PKIB: variants seen among roughly 807,000 people sequenced by gnomAD.
PKIB encodes the protein cAMP-dependent protein kinase inhibitor beta.
Under a neutral mutation model 4.5 loss-of-function variants are expected in PKIB, and 2 were observed. That is an observed-to-expected ratio of 0.44 (90% CI 0.18 to 1.39). The LOEUF (loss-of-function observed/expected upper bound fraction) is 1.39. Ranked by LOEUF, PKIB falls within the 40% of genes most tolerant of loss-of-function variation. The probability of loss-of-function intolerance (pLI) is 0.27; values close to 1 mark genes in which losing one functional copy is unlikely to be tolerated. For synonymous variants in PKIB, 38 were observed against 36.0 expected, an observed-to-expected ratio of 1.06 and a Z score of -0.20; for missense variants, 94 against 92.6, an observed-to-expected ratio of 1.02 and a Z score of -0.06.
Position 122,500,255 on chromosome 6 carries a change from C to T in PKIB, c.-248+22316C>T, listed in dbSNP as rs920656264. Among the ~76,000 whole-genome samples, 7 of 152,156 alleles carry T rather than the reference C, an allele frequency of 4.6e-5. No individual in the cohort carries two copies. The East Asian group carries it at 5.8e-4, about 13-fold the overall frequency. On this transcript the variant is annotated intron_variant, in intron 2 of 6. Transcript: ENST00000392491. ...AAAATAGTGGGAAAAAAGTACTCAA[C>T]AGGGTTTGAATTTCTAAGTGGTAGA... is the stretch of plus-strand genomic sequence containing the variant.
At chr6:122,629,055 CATCAACCACCAATA>C (rs937655889) in intron 1 of PKIB, among the ~76,000 whole-genome samples, 2 of 152,150 alleles carry the variant, frequency 1.3e-5, no homozygotes, top group Non-Finnish European at 2.9e-5. Context: ...AGTTGAGGGC[CATCAACCACCAATA>C]ATCAGCTGGG....
At chr6:122,557,365 C>A (rs1338365065) in intron 2 of PKIB, among the ~76,000 whole-genome samples, 2 of 152,106 alleles carry the variant, frequency 1.3e-5, no homozygotes, top group Non-Finnish European at 2.9e-5. Context: ...TATAATCAAC[C>A]AAGGAAGAAC....
chr6:122,657,679 A>G (rs1776826921), intron 2 of PKIB, among the ~76,000 whole-genome samples: 6 of 152,164 alleles, frequency 3.9e-5, no homozygotes, highest in Admixed American at 3.9e-4. Context: ...TCTTACATTG[A>G]TATTTCCAGA....
intron 2 of PKIB, among the ~76,000 whole-genome samples, chr6:122,553,481 C>CTTTTTTTTTTTTTTTTTT (rs533553939): frequency 0.02 from 1,327 of 65,690 alleles, 309 homozygotes; most frequent in Admixed American, 0.043. Context: ...CAAATATCTT[C>CTTTTTTTTTTTTTTTTTT]TTTTTTTTTT....
At chr6:122,670,498 TTTGTTGTTG>T (rs61201088) in intron 2 of PKIB, among the ~76,000 whole-genome samples, 1 of 151,110 alleles carries the variant, frequency 6.6e-6, no homozygotes, top group African/African-American at 2.4e-5. Flanking sequence ...ATCACATGTT[TTTGTTGTTG>T]TTGTTGTTGT....
chr6:122,532,652 C>A (rs1222347114), intron 2 of PKIB, among the ~76,000 whole-genome samples: 8 of 152,088 alleles, frequency 5.3e-5, no homozygotes. Flanking sequence ...TTTTGCCTAC[C>A]ATAATGTTTT....
intron 1 of PKIB, among the ~76,000 whole-genome samples, chr6:122,475,335 C>T (rs989609265): frequency 1.2e-4 from 19 of 152,336 alleles, no homozygotes; most frequent in Non-Finnish European, 2.2e-4. Flanking sequence ...AATAACCCTT[C>T]GCCACCTCTT....
rs147441478 is a variant in PKIB, at chr6:122,530,874, T to G, written c.-248+52935T>G. ...AATATGCCATTTAGTGGGAGACACA[T>G]GAACAGACACATCAAATGCTGCAAA... On this transcript the variant is annotated intron_variant, in intron 2 of 6. Coordinates refer to the PKIB transcript ENST00000392491. 2.8e-3 allele frequency among the ~76,000 whole-genome samples: 433 copies of G among 152,330 alleles called. 3 individuals carry two copies. The highest frequency in any genetic ancestry group is 9.9e-3 in the South Asian group (48 of 4,826).
chr6:122,596,566 T>C (rs1467727364), intron 3 of PKIB, among the ~76,000 whole-genome samples: 2 of 152,196 alleles, frequency 1.3e-5, no homozygotes, highest in Non-Finnish European at 2.9e-5. Flanking sequence ...TCAGGTCACA[T>C]GGTGACTTCA....
At chr6:122,662,061 T>C (rs1284782511) in intron 2 of PKIB, among the ~76,000 whole-genome samples, 2 of 152,108 alleles carry the variant, frequency 1.3e-5, no homozygotes, top group East Asian at 3.9e-4. Context: ...CTTTTTATTA[T>C]TTAGTTGTAG....
At chr6:122,611,297 G>A (rs544728068) in intron 1 of PKIB, among the ~76,000 whole-genome samples, 2 of 152,320 alleles carry the variant, frequency 1.3e-5, no homozygotes, top group African/African-American at 4.8e-5. Context: ...GGAGCTGAGA[G>A]GGCCAGGTCA....
At chr6:122,683,795 C>T (rs1455362829) in intron 3 of PKIB, among the ~76,000 whole-genome samples, 1 of 152,106 alleles carries the variant, frequency 6.6e-6, no homozygotes, top group Non-Finnish European at 1.5e-5. Flanking sequence ...CCCTAATAGA[C>T]CTTACAATCA....
chr6:122,673,431 T>A (rs913735168), intron 2 of PKIB, among the ~76,000 whole-genome samples: 1 of 152,212 alleles, frequency 6.6e-6, no homozygotes, highest in Non-Finnish European at 1.5e-5. Context: ...TTACAAATTT[T>A]TATCTTTTTG....
chr6:122,658,787 G>A (rs77163523), intron 2 of PKIB, among the ~76,000 whole-genome samples: 3,579 of 139,414 alleles, frequency 0.026, 140 homozygotes, highest in African/African-American at 0.091. Flanking sequence ...CTGAAGATAA[G>A]GGATCTTGGT....
intron 2 of PKIB, chr6:122,478,093 T>C (rs1775498969): frequency 6.6e-6 from 1 of 150,426 alleles, no homozygotes; most frequent in African/African-American, 2.4e-5. Context: ...TTTCGCAGGC[T>C]CCCACCTAGA....
intron 2 of PKIB, among the ~76,000 whole-genome samples, chr6:122,648,773 C>T (rs1449612063): frequency 1.3e-5 from 2 of 152,190 alleles, no homozygotes; most frequent in Non-Finnish European, 2.9e-5. Flanking sequence ...ATACAATCAA[C>T]CTGTGACCAC....
chr6:122,658,867 T>TTTTTTTTTTTTTTTTTTTTTTTTTTTGA (rs1554228850), intron 2 of PKIB, among the ~76,000 whole-genome samples: 2 of 147,844 alleles, frequency 1.4e-5, no homozygotes, highest in Non-Finnish European at 1.5e-5. Context: ...AATTTTTTAT[T>TTTTTTTTTTTTTTTTTTTTTTTTTTTGA]GAGTACCTAC....
In PKIB at chr6:122,489,774, C is replaced by T. The variant is rs1184630301; in HGVS notation, c.-248+11835C>T. On this transcript the variant is annotated intron_variant, in intron 2 of 6. Transcript: ENST00000392491. ...TATAATTCTTTTTATAGCCCCAGGC[C>T]TTCTTAAGAAGAAAGACATGACAAC... Among the ~76,000 whole-genome samples the T allele has an allele frequency of 2.6e-5, 4 of 152,284 alleles. No homozygotes were observed. In the East Asian group the frequency reaches 5.8e-4, roughly 22 times the overall value.
chr6:122,490,022 A>C (rs1775893219), intron 2 of PKIB, among the ~76,000 whole-genome samples: 1 of 152,228 alleles, frequency 6.6e-6, no homozygotes, highest in South Asian at 2.1e-4. Context: ...GTTTGATATA[A>C]AATGGAGTCT....
Sources: allele counts gnomAD v4.1 joint callset (sites outside exome capture counted in the v4.1 genomes callset), GRCh38; gene constraint gnomAD v4.1.1; transcripts MANE v1.5; gene names NCBI Gene and HGNC (gene_info 2026-07-23, HGNC 2026-07-21).